The following CCDC146 variants were observed in gnomAD, a reference collection of about 807,000 sequenced individuals.
The protein encoded by CCDC146 is coiled-coil domain containing 146.
CCDC146 carries 92 observed loss-of-function variants against 119.3 expected under a neutral mutation model. The observed-to-expected ratio is 0.77, with a 90% CI of 0.65 to 0.92. The LOEUF is 0.92. Among genes scored for constraint, CCDC146 ranks in the 40% least tolerant of loss-of-function variants. The pLI is 0.00. For synonymous variants in CCDC146, 372 were observed against 371.8 expected, an observed-to-expected ratio of 1.00 and a Z score of -0.01; for missense variants, 1,000 against 1,103.0, an observed-to-expected ratio of 0.91 and a Z score of 1.32.
intron 4 of CCDC146, among the ~76,000 whole-genome samples, chr7:77,251,749 CTT>C (rs752552959): frequency 7.2e-5 from 11 of 152,170 alleles, no homozygotes; most frequent in Non-Finnish European, 1.3e-4. Flanking sequence ...TAAAAAGTCT[CTT>C]TTGCTCGCTC....
chr7:77,240,797 G>A (rs117959576), intron 3 of CCDC146, among the ~76,000 whole-genome samples: 3,075 of 152,102 alleles, frequency 0.02, 56 homozygotes, highest in South Asian at 0.047. Flanking sequence ...GTTAACATTC[G>A]TATATTACTA....
intron 1 of CCDC146, among the ~76,000 whole-genome samples, chr7:77,147,283 T>G (rs559672487): frequency 2.0e-5 from 3 of 152,318 alleles, no homozygotes; most frequent in Admixed American, 6.5e-5. Context: ...GGACTTCTCT[T>G]CATTGGTTAT....
Position 77,292,990 on chromosome 7 carries a change from G to C in CCDC146, c.2454G>C (p.Glu818Asp). 1 of 1,613,932 alleles carries C rather than the reference G, an allele frequency of 6.2e-7. No individual in the cohort carries two copies. The highest frequency in any genetic ancestry group is 8.5e-7 in the Non-Finnish European group (1 of 1,179,980). Reference protein sequence around the residue: ...GYQRRIKNATEKMMALVAELS... With the variant: ...GYQRRIKNATDKMMALVAELS... ...AAAGAAGGATCAAAAATGCAACTGA[G>C]AAAATGATGGCTCTTGTTGCTGAGC... Residue 818 changes from glutamate to aspartate, a missense_variant, in exon 18 of 19, where the codon GAG (glutamate) becomes GAC (aspartate). Glu to Asp is a conservative substitution (Grantham distance 45). Coordinates refer to ENST00000285871, the MANE Select transcript of CCDC146 (RefSeq NM_020879.3).
intron 2 of CCDC146, chr7:77,199,334 G>C: frequency 6.2e-7 from 1 of 1,614,076 alleles, no homozygotes; most frequent in Admixed American, 1.7e-5. Flanking sequence ...CGACCATGAA[G>C]TACATTGATC....
At chr7:77,151,455 A>G (rs1468791201) in intron 1 of CCDC146, among the ~76,000 whole-genome samples, 2 of 151,984 alleles carry the variant, frequency 1.3e-5, no homozygotes, top group African/African-American at 4.8e-5. Context: ...AACTTTATTT[A>G]TTTATTTATG....
intron 4 of CCDC146, chr7:77,242,288 A>G (rs1305796939): frequency 1.5e-6 from 1 of 670,254 alleles, no homozygotes; most frequent in Non-Finnish European, 1.9e-6. Flanking sequence ...TTCTCCCCAC[A>G]TGCATTTTCC....
intron 1 of CCDC146, among the ~76,000 whole-genome samples, chr7:77,125,205 T>G (rs192155107): frequency 1.3e-5 from 2 of 150,646 alleles, no homozygotes; most frequent in African/African-American, 5.0e-5. Context: ...AATAAAAAAA[T>G]GTTAAATGCT....
chr7:77,252,604 A>T (rs539465464), intron 4 of CCDC146, among the ~76,000 whole-genome samples: 1 of 152,350 alleles, frequency 6.6e-6, no homozygotes, highest in South Asian at 2.1e-4. Context: ...AAGAAATTAA[A>T]CATAAAAATT....
intron 2 of CCDC146, among the ~76,000 whole-genome samples, chr7:77,211,767 T>C (rs540391210): frequency 4.6e-5 from 7 of 152,026 alleles, no homozygotes; most frequent in Admixed American, 6.6e-5. Flanking sequence ...AGGCGTGCTT[T>C]TCCATGCCTG....
In CCDC146 at chr7:77,259,059, G is replaced by T; in HGVS notation, c.749G>T (p.Arg250Leu). 2 of 1,595,866 alleles carry T rather than the reference G, an allele frequency of 1.3e-6. No homozygotes were observed. Among genetic ancestry groups the T allele is most frequent in the African/African-American group, 1.3e-5 (1 of 74,600 alleles). ...QIGKEIEKIT[R>L]KKVEMEKKKI... Reference sequence around the variant, plus strand: ...GGAAAAGAGATAGAAAAAATAACACGCAAAAAAGTGTATGATTTAATATTT... The same window carrying T: ...GGAAAAGAGATAGAAAAAATAACACTCAAAAAAGTGTATGATTTAATATTT... The change falls in exon 7 of 19, where the codon CGC (arginine) becomes CTC (leucine). Residue 250 changes from arginine (R) to leucine (L), a missense_variant. Coordinates refer to ENST00000285871, the MANE Select transcript of CCDC146 (RefSeq NM_020879.3).
intron 2 of CCDC146, among the ~76,000 whole-genome samples, chr7:77,169,850 A>G (rs1231553149): frequency 6.6e-6 from 1 of 152,000 alleles, no homozygotes; most frequent in African/African-American, 2.4e-5. Context: ...CTGGAGAATG[A>G]TATTTGGAAA....
At chr7:77,152,146 G>A (rs1194142908) in intron 1 of CCDC146, among the ~76,000 whole-genome samples, 2 of 152,128 alleles carry the variant, frequency 1.3e-5, no homozygotes, top group Admixed American at 1.3e-4. Context: ...ACTTGTCCTA[G>A]GTAGATGAGG....
chr7:77,190,411 G>A (rs1164828850), intron 2 of CCDC146, among the ~76,000 whole-genome samples: 2 of 152,140 alleles, frequency 1.3e-5, no homozygotes, highest in Non-Finnish European at 2.9e-5. Flanking sequence ...GCAAAGTTGT[G>A]CAAAGCCTTC....
chr7:77,280,613 C>G lies in CCDC146; in HGVS notation c.1879C>G (p.Arg627Gly), dbSNP rs200460755. Residue 627 changes from arginine (R) to glycine (G), a missense_variant, in exon 14 of 19, where the codon CGC (arginine) becomes GGC (glycine). By Grantham distance (125) the Arg-to-Gly change is moderately radical (BLOSUM62 -2). Transcript: ENST00000285871. ...TMIEEEMVQL[R>G]KRYEKAVQHR... ...GATCGAAGAGGAGATGGTGCAGCTT[C>G]GCAAAAGATACGAAAAAGCTGTTCA... 2 of 1,613,694 alleles carry G rather than the reference C, an allele frequency of 1.2e-6. No individual in the cohort carries two copies. The highest frequency in any genetic ancestry group is 1.7e-6 in the Non-Finnish European group (2 of 1,179,820).
At chr7:77,206,048 C>T (rs1324283635) in intron 2 of CCDC146, among the ~76,000 whole-genome samples, 1 of 152,130 alleles carries the variant, frequency 6.6e-6, no homozygotes, top group Non-Finnish European at 1.5e-5. Flanking sequence ...ATGTATTTGG[C>T]AAATCAACAT....
chr7:77,294,060 A>G (rs2150561663), intron 18 of CCDC146, among the ~76,000 whole-genome samples: 1 of 152,234 alleles, frequency 6.6e-6, no homozygotes, highest in African/African-American at 2.4e-5. Context: ...GCAGTAAGTG[A>G]TTACTCTATT....
intron 3 of CCDC146, 77 bp downstream of exon 3, chr7:77,237,106 G>T: frequency 1.7e-6 from 2 of 1,187,600 alleles, no homozygotes; most frequent in African/African-American, 1.5e-5. Context: ...GTCTTCATTT[G>T]CATTCCCCCA....
chr7:77,265,757 A>G (rs1793389976), intron 9 of CCDC146, among the ~76,000 whole-genome samples: 1 of 152,272 alleles, frequency 6.6e-6, no homozygotes, highest in African/African-American at 2.4e-5. Context: ...CATATTTTTA[A>G]GAGACATATG....
At chr7:77,268,990 T>A (rs1034618861) in intron 9 of CCDC146, among the ~76,000 whole-genome samples, 8 of 152,230 alleles carry the variant, frequency 5.3e-5, no homozygotes, top group Admixed American at 5.2e-4. Flanking sequence ...TGTGGGGCAC[T>A]GAATGGGTTC....
Sources: allele counts gnomAD v4.1 joint callset (sites outside exome capture counted in the v4.1 genomes callset), GRCh38; gene constraint gnomAD v4.1.1; transcripts MANE v1.5; gene names NCBI Gene and HGNC (gene_info 2026-07-23, HGNC 2026-07-21).